Variants in AHI1 observed in about 807,000 individuals in gnomAD.
AHI1 encodes the protein Abelson helper integration site 1, also known as jouberin.
Under a neutral mutation model 149.3 loss-of-function variants are expected in AHI1, and 123 were observed. That is an observed-to-expected ratio of 0.82 (90% CI 0.71 to 0.96). The LOEUF is 0.96. Among genes scored for constraint, AHI1 ranks in the 40% least tolerant of loss-of-function variants. The pLI, the probability that AHI1 is intolerant of heterozygous loss-of-function variation, is 0.00. For synonymous variants in AHI1, 475 were observed against 459.8 expected, an observed-to-expected ratio of 1.03 and a Z score of -0.42; for missense variants, 1,439 against 1,422.7, an observed-to-expected ratio of 1.01 and a Z score of -0.18.
chr6:135,490,569 T>G (rs756346388), intron 5 of AHI1, 54 bp downstream of exon 5: 14 of 1,603,776 alleles, frequency 8.7e-6, no homozygotes, highest in Non-Finnish European at 1.2e-5. Flanking sequence ...TGCAGCCATA[T>G]CTGCATTTTA....
Position 135,389,693 on chromosome 6 carries a change from G to A in AHI1, c.3109+5083C>T, listed in dbSNP as rs78242267. On this transcript the variant is annotated intron_variant, in intron 23 of 28. Coordinates refer to ENST00000265602, the MANE Select transcript of AHI1 (RefSeq NM_001134831.2). The stretch of plus-strand genomic sequence containing the variant: ...TGATTCATTTTCTTTTGTTTGACTC[G>A]ACTTATCGATTTAATATGAATTAAA... Among the ~76,000 whole-genome samples, 245 of 152,112 alleles carry A rather than the reference G, an allele frequency of 1.6e-3. 2 individuals carry two copies. In the East Asian group the frequency reaches 0.017, roughly 10 times the overall value.
At chr6:135,376,256 T>C (rs1186839501) in intron 23 of AHI1, among the ~76,000 whole-genome samples, 1 of 152,186 alleles carries the variant, frequency 6.6e-6, no homozygotes, top group Non-Finnish European at 1.5e-5. Flanking sequence ...GTAGGGTTAC[T>C]AAGCCCACTA....
At chr6:135,477,011 C>T (rs1387566270) in intron 5 of AHI1, among the ~76,000 whole-genome samples, 1 of 151,198 alleles carries the variant, frequency 6.6e-6, no homozygotes, top group Non-Finnish European at 1.5e-5. Flanking sequence ...TCTGTTTGTC[C>T]TATTTGTTTT....
At chr6:135,288,665 T>TATATTTA (rs2128338379) in intron 28 of AHI1, among the ~76,000 whole-genome samples, 1 of 152,144 alleles carries the variant, frequency 6.6e-6, no homozygotes, top group African/African-American at 2.4e-5. Context: ...AATAACCATA[T>TATATTTA]GATATTCTGT....
At chr6:135,474,483 A>G (rs1792267035) in intron 5 of AHI1, 1 of 151,474 alleles carries the variant, frequency 6.6e-6, no homozygotes, top group African/African-American at 2.4e-5. Context: ...TGAGGAAGTT[A>G]CTGTCTATTC....
intron 20 of AHI1, 58 bp from the exon 21 acceptor site, chr6:135,411,602 T>C (rs1327360376): frequency 7.2e-7 from 1 of 1,381,640 alleles, no homozygotes; most frequent in Non-Finnish European, 9.6e-7. Flanking sequence ...AATCAAGCCC[T>C]AAAACTGTAG....
At chr6:135,376,619 C>T (rs57226829) in intron 23 of AHI1, among the ~76,000 whole-genome samples, 1,711 of 152,128 alleles carry the variant, frequency 0.011, 40 homozygotes, top group African/African-American at 0.039. Context: ...CGCAGTGGCT[C>T]ACGCCTATAA....
rs796717895 is a variant in AHI1, at chr6:135,327,898, C to A, written c.3166-4574G>T. Among the ~76,000 whole-genome samples, 4 of 152,274 alleles carry A rather than the reference C, an allele frequency of 2.6e-5. No individual in the cohort carries two copies. The East Asian group carries it at 7.7e-4, about 29-fold the overall frequency. On this transcript the variant is annotated intron_variant, in intron 24 of 28. Coordinates refer to ENST00000265602, the MANE Select transcript of AHI1 (RefSeq NM_001134831.2). ...AGCTTCCCCTCCTTCCTTCATAGATCGCTCTACGTATCTCTTCATCTGTTT... is the reference window on the plus strand; with the variant it reads ...AGCTTCCCCTCCTTCCTTCATAGATAGCTCTACGTATCTCTTCATCTGTTT...
chr6:135,459,564 T>C (rs1193193915), intron 8 of AHI1, among the ~76,000 whole-genome samples: 1 of 152,016 alleles, frequency 6.6e-6, no homozygotes, highest in East Asian at 1.9e-4. Flanking sequence ...AGGTTGGTTT[T>C]TGAAAAGACT....
intron 20 of AHI1, among the ~76,000 whole-genome samples, chr6:135,425,872 A>T (rs1413250650): frequency 2.0e-5 from 3 of 151,900 alleles, no homozygotes; most frequent in Non-Finnish European, 4.4e-5. Context: ...CTTTAAGAAA[A>T]GATAGAGTGC....
chr6:135,437,623 G>T (rs556882719), intron 15 of AHI1, among the ~76,000 whole-genome samples: 1 of 152,352 alleles, frequency 6.6e-6, no homozygotes, highest in South Asian at 2.1e-4. Flanking sequence ...TAAGAGAGTA[G>T]AAGGCAGAAG....
At position 135,343,223 on chromosome 6, in the gene AHI1, T is replaced by C. The variant is rs1173268849; in HGVS notation, c.3165+14909A>G. 2.0e-5 allele frequency among the ~76,000 whole-genome samples: 3 copies of C among 151,606 alleles called. No individual in the cohort carries two copies. The East Asian group carries it at 5.8e-4, about 29-fold the overall frequency. On this transcript the variant is annotated intron_variant, in intron 24 of 28. Coordinates refer to ENST00000265602, the MANE Select transcript of AHI1 (RefSeq NM_001134831.2). The stretch of plus-strand genomic sequence containing the variant: ...AATTCCATTTGCAATGGCATACAAA[T>C]AAATTTAACAAAAAAAATGCTGAAA...
chr6:135,334,728 G>A (rs779516450), intron 24 of AHI1, among the ~76,000 whole-genome samples: 1 of 152,154 alleles, frequency 6.6e-6, no homozygotes, highest in Non-Finnish European at 1.5e-5. Context: ...AAAAATCATA[G>A]TGTATTTTCA....
chr6:135,290,628 G>T, intron 27 of AHI1, 103 bp from the exon 28 acceptor site: 2 of 1,086,572 alleles, frequency 1.8e-6, no homozygotes, highest in South Asian at 1.3e-5. Context: ...AAACAAAAAT[G>T]GGGATAAATG....
intron 23 of AHI1, among the ~76,000 whole-genome samples, chr6:135,388,572 C>G (rs1777951643): frequency 6.6e-6 from 1 of 152,146 alleles, no homozygotes; most frequent in Admixed American, 6.5e-5. Context: ...AAAAGTTTTA[C>G]ATTTCTCTAT....
chr6:135,393,128 G>A (rs1778751440), intron 23 of AHI1, among the ~76,000 whole-genome samples: 1 of 151,996 alleles, frequency 6.6e-6, no homozygotes, highest in Admixed American at 6.5e-5. Context: ...GAAGCGAAAT[G>A]GAGCCAATCC....
chr6:135,433,874 A>G (rs1006531993), intron 15 of AHI1, among the ~76,000 whole-genome samples: 2 of 152,032 alleles, frequency 1.3e-5, no homozygotes, highest in Middle Eastern at 3.2e-3. Flanking sequence ...CTTTTTGTTT[A>G]ACACTCATTA....
Position 135,490,608 on chromosome 6 carries a change from T to A in AHI1, c.135+15A>T. 6.2e-7 allele frequency: 1 copy of A among 1,613,494 alleles called. No homozygotes were observed. Among genetic ancestry groups the A allele is most frequent in the Non-Finnish European group, 8.5e-7 (1 of 1,179,668 alleles). ...GCATATGTAAATCACTATTACCCAA[T>A]GATCATTTACTTACTGAGATGTTTT... On this transcript the variant is annotated intron_variant, in intron 5 of 28. Transcript: ENST00000265602.
intron 16 of AHI1, 111 bp from the exon 17 acceptor site, chr6:135,431,425 G>T (rs1784646471): frequency 1.8e-6 from 1 of 545,064 alleles, no homozygotes; most frequent in Non-Finnish European, 3.0e-6. Context: ...GAATTGAAGG[G>T]CTATTAAAAG....
Sources: allele counts gnomAD v4.1 joint callset (sites outside exome capture counted in the v4.1 genomes callset), GRCh38; gene constraint gnomAD v4.1.1; transcripts MANE v1.5; gene names NCBI Gene and HGNC (gene_info 2026-07-23, HGNC 2026-07-21).